ADAM18: variants seen among roughly 807,000 people sequenced by gnomAD.
ADAM18 encodes ADAM metallopeptidase domain 18.
A neutral mutation model predicts 94.4 loss-of-function variants in ADAM18; 117 were observed. The observed-to-expected ratio is 1.24, with a 90% confidence interval of 1.07 to 1.45. The LOEUF is 1.45. Ranked by LOEUF, ADAM18 falls within the 40% of genes most tolerant of loss-of-function variation. The pLI, the probability that ADAM18 is intolerant of heterozygous loss-of-function variation, is 0.00. For missense variants in ADAM18, 936 were observed against 880.0 expected, an observed-to-expected ratio of 1.06 and a Z score of -0.81; for synonymous variants, 327 against 291.6, an observed-to-expected ratio of 1.12 and a Z score of -1.24.
intron 16 of ADAM18, among the ~76,000 whole-genome samples, chr8:39,691,740 TATC>T (rs144190235): frequency 0.02 from 2,980 of 151,970 alleles, 89 homozygotes; most frequent in African/African-American, 0.068. Context: ...GATAAATAAA[TATC>T]ATATATTCTT....
At chr8:39,628,416 A>ATAG (rs1819833768) in intron 6 of ADAM18, among the ~76,000 whole-genome samples, 1 of 148,174 alleles carries the variant, frequency 6.7e-6, no homozygotes, top group African/African-American at 2.5e-5. Flanking sequence ...CTGATAGATC[A>ATAG]ATAGATAGAT....
At chr8:39,688,037 A>AAT (rs1563307170) in intron 16 of ADAM18, among the ~76,000 whole-genome samples, 1 of 152,168 alleles carries the variant, frequency 6.6e-6, no homozygotes, top group Non-Finnish European at 1.5e-5. Flanking sequence ...TTCAAGGAGT[A>AAT]ATTTCCAAAG....
At chr8:39,652,518 C>T (rs186897452) in intron 12 of ADAM18, among the ~76,000 whole-genome samples, 9 of 152,092 alleles carry the variant, frequency 5.9e-5, no homozygotes, top group East Asian at 3.9e-4. Context: ...TGTCAGAATA[C>T]GATCATCAAA....
At chr8:39,679,899 TA>T in intron 15 of ADAM18, 137 bp from the exon 16 acceptor site, 1 of 763,150 alleles carries the variant, frequency 1.3e-6, no homozygotes. Context: ...TTGTGCACCA[TA>T]AAATAATGTT....
At chr8:39,675,852 G>GT (rs1043172560) in intron 14 of ADAM18, among the ~76,000 whole-genome samples, 2 of 152,312 alleles carry the variant, frequency 1.3e-5, no homozygotes, top group Middle Eastern at 3.4e-3. Flanking sequence ...ATTTCTTTCT[G>GT]TTTGTTAGTT....
At chr8:39,718,746 A>G (rs1449517812) in intron 18 of ADAM18, among the ~76,000 whole-genome samples, 2 of 151,678 alleles carry the variant, frequency 1.3e-5, no homozygotes, top group Non-Finnish European at 3.0e-5. Flanking sequence ...TTCACAAAAA[A>G]TAGCATCAGA....
chr8:39,683,106 C>T lies in ADAM18; in HGVS notation c.1821+2880C>T, dbSNP rs374165988. 1.1e-4 allele frequency among the ~76,000 whole-genome samples: 16 copies of T among 152,232 alleles called. No homozygotes were observed. In the East Asian group the frequency reaches 1.5e-3, roughly 15 times the overall value. On this transcript the variant is annotated intron_variant, in intron 16 of 19. Coordinates refer to ENST00000265707, the MANE Select transcript of ADAM18 (RefSeq NM_014237.3). ...TTAGGATATAACAGACAGTATTTTC[C>T]GTTTTGTTCTCCTGCCCCTTCTTCA...
chr8:39,590,712 C>G (rs1006700165), intron 2 of ADAM18, among the ~76,000 whole-genome samples: 1 of 151,930 alleles, frequency 6.6e-6, no homozygotes, highest in Non-Finnish European at 1.5e-5. Flanking sequence ...CTTTTTTAAA[C>G]TAAAATAACA....
Position 39,668,091 on chromosome 8 carries a change from G to C in ADAM18, c.1420G>C (p.Asp474His). 6.2e-7 allele frequency: 1 copy of C among 1,614,122 alleles called. No individual in the cohort carries two copies. ...CNGTSSNCVP[D>H]TYALNGRLCK... ...TGGAACCTCTAGTAATTGTGTTCCTGACACTTATGCATTGAATGGCCGTTT... is the reference window on the plus strand; with the variant it reads ...TGGAACCTCTAGTAATTGTGTTCCTCACACTTATGCATTGAATGGCCGTTT... Residue 474 changes from aspartate to histidine, a missense_variant, in exon 14 of 20, where the codon GAC becomes CAC. Physicochemically the swap from Asp to His is moderately conservative, Grantham distance 81. Transcript: ENST00000265707.
chr8:39,617,575 A>G (rs1432731135), intron 6 of ADAM18, among the ~76,000 whole-genome samples: 2 of 152,214 alleles, frequency 1.3e-5, no homozygotes, highest in Non-Finnish European at 2.9e-5. Context: ...TAGCAAAGAC[A>G]TAGTATCAAT....
At chr8:39,611,081 T>C in intron 6 of ADAM18, 1 of 1,004,586 alleles carries the variant, frequency 1.0e-6, no homozygotes, top group Middle Eastern at 5.0e-4. Flanking sequence ...GCACAGCCAT[T>C]TGCATGTTGC....
At chr8:39,675,873 T>C (rs1821287037) in intron 14 of ADAM18, among the ~76,000 whole-genome samples, 1 of 152,252 alleles carries the variant, frequency 6.6e-6, no homozygotes, top group Non-Finnish European at 1.5e-5. Context: ...TTCCTTCTAA[T>C]GGTCAGGTCC....
chr8:39,694,992 T>A (rs1286523581), intron 17 of ADAM18, among the ~76,000 whole-genome samples: 1 of 151,504 alleles, frequency 6.6e-6, no homozygotes. Flanking sequence ...TAGAAACCCA[T>A]GAACTTTTTA....
At chr8:39,594,691 T>C (rs1585877531) in intron 2 of ADAM18, among the ~76,000 whole-genome samples, 1 of 152,002 alleles carries the variant, frequency 6.6e-6, no homozygotes, top group East Asian at 1.9e-4. Flanking sequence ...TCATTTGTTT[T>C]TTTTTCCCTA....
intron 18 of ADAM18, among the ~76,000 whole-genome samples, chr8:39,715,058 A>G (rs1822533070): frequency 6.6e-6 from 1 of 152,090 alleles, no homozygotes; most frequent in African/African-American, 2.4e-5. Context: ...AACATTCTCA[A>G]TTGTAGATCA....
chr8:39,604,613 T>A (rs1199602857), intron 2 of ADAM18: 1 of 152,314 alleles, frequency 6.6e-6, no homozygotes, highest in African/African-American at 2.4e-5. Context: ...CCCACTCTCC[T>A]CCTTGCTTCT....
intron 7 of ADAM18, among the ~76,000 whole-genome samples, chr8:39,635,551 C>T (rs1187172492): frequency 1.3e-5 from 2 of 152,112 alleles, no homozygotes; most frequent in African/African-American, 4.8e-5. Context: ...GTAATCAAAA[C>T]ATAAAAGTTA....
At chr8:39,702,337 G>GT (rs896024560) in intron 17 of ADAM18, among the ~76,000 whole-genome samples, 5 of 151,538 alleles carry the variant, frequency 3.3e-5, no homozygotes, top group Non-Finnish European at 7.4e-5. Flanking sequence ...TTTTAATGGG[G>GT]TTTTTTTTCT....
chr8:39,706,522 A>G (rs1351225457), intron 17 of ADAM18, among the ~76,000 whole-genome samples: 1 of 152,092 alleles, frequency 6.6e-6, no homozygotes, highest in Non-Finnish European at 1.5e-5. Context: ...ATTAAATCTT[A>G]TTTTTTAAAG....
Sources: gnomAD v4.1 joint callset for allele counts (sites outside exome capture counted in the v4.1 genomes callset) on GRCh38, gnomAD v4.1.1 for gene constraint, MANE v1.5 for transcripts, NCBI Gene and HGNC (gene_info 2026-07-23, HGNC 2026-07-21) for gene names.